The following TJP1 variants were observed in gnomAD, a reference collection of about 807,000 sequenced individuals.
TJP1 encodes tight junction protein 1.
In TJP1, 43 loss-of-function variants were observed where a neutral mutation model predicts 194.2. The ratio of observed to expected loss-of-function variants is 0.22; its 90% confidence interval spans 0.17 to 0.29. The LOEUF (loss-of-function observed/expected upper bound fraction) is 0.29, where lower values mean the gene tolerates loss of function less well. Among genes scored for constraint, TJP1 ranks in the 10% least tolerant of loss-of-function variants. The probability of loss-of-function intolerance (pLI) is 1.00; values close to 1 mark genes in which losing one functional copy is unlikely to be tolerated. For missense variants in TJP1, 1,971 were observed against 2,185.7 expected (o/e 0.90, Z 1.96); for synonymous variants, 801 against 779.0 (o/e 1.03, Z -0.47).
chr15:29,707,323 G>C (rs1221518049), intron 25 of TJP1, among the ~76,000 whole-genome samples: 1 of 152,170 alleles, frequency 6.6e-6, no homozygotes, highest in Non-Finnish European at 1.5e-5. Context: ...CAACGAAACA[G>C]AATTACATGA....
intron 1 of TJP1, among the ~76,000 whole-genome samples, chr15:29,956,707 C>T (rs1424028569): frequency 6.6e-6 from 1 of 152,082 alleles, no homozygotes; most frequent in East Asian, 1.9e-4. Context: ...CAGGGAGACC[C>T]TGCCTCTACA....
chr15:29,867,347 A>T (rs925336048), intron 2 of TJP1, among the ~76,000 whole-genome samples: 3 of 152,230 alleles, frequency 2.0e-5, no homozygotes, highest in Admixed American at 6.5e-5. Flanking sequence ...CCATCACAAA[A>T]GGCAACAAGG....
chr15:29,914,055 C>T (rs950312821), intron 2 of TJP1, among the ~76,000 whole-genome samples: 2 of 152,116 alleles, frequency 1.3e-5, no homozygotes, highest in Non-Finnish European at 1.5e-5. Context: ...GTATCTGCCT[C>T]TGTCACACAA....
chr15:29,764,144 T>C (rs1027577458), intron 5 of TJP1, among the ~76,000 whole-genome samples: 3 of 151,926 alleles, frequency 2.0e-5, no homozygotes, highest in Non-Finnish European at 4.4e-5. Context: ...AAAAAAAGGA[T>C]GTTAGCATGG....
At chr15:29,826,224 G>A (rs375075875), upstream of TJP1, among the ~76,000 whole-genome samples, 459 of 151,394 alleles carry the variant, frequency 3.0e-3, 2 homozygotes, top group Non-Finnish European at 5.0e-3. Context: ...GTTATTCCTC[G>A]AAAGAATTCC....
chr15:29,769,433 C>T (rs1294440745), intron 4 of TJP1, among the ~76,000 whole-genome samples: 1 of 152,144 alleles, frequency 6.6e-6, no homozygotes, highest in African/African-American at 2.4e-5. Context: ...AAAGTCACTC[C>T]TAGAAAATTA....
At chr15:29,705,102 T>C (rs2041810709) in intron 26 of TJP1, among the ~76,000 whole-genome samples, 2 of 152,182 alleles carry the variant, frequency 1.3e-5, no homozygotes, top group Non-Finnish European at 2.9e-5. Flanking sequence ...AGTGCTAGGT[T>C]CTGGGGTGAT....
intron 2 of TJP1, among the ~76,000 whole-genome samples, chr15:29,932,105 T>C (rs2054736553): frequency 6.6e-6 from 1 of 152,214 alleles, no homozygotes; most frequent in Non-Finnish European, 1.5e-5. Context: ...TGCTGTCTCC[T>C]GTCTCATCCT....
chr15:29,787,983 GTCTT>G (rs1395013128), intron 2 of TJP1, among the ~76,000 whole-genome samples: 5 of 152,124 alleles, frequency 3.3e-5, no homozygotes, highest in Non-Finnish European at 4.4e-5. Flanking sequence ...AACCTTTATT[GTCTT>G]TCTGAGTACA....
At chr15:29,891,602 TG>T (rs2053310316) in intron 2 of TJP1, among the ~76,000 whole-genome samples, 2 of 152,242 alleles carry the variant, frequency 1.3e-5, no homozygotes, top group Admixed American at 1.3e-4. Flanking sequence ...TGTGATTCCA[TG>T]TCACCTTTTG....
In TJP1 at chr15:29,717,240, T is replaced by C. The variant is rs141371526; in HGVS notation, c.3975-402A>G. On this transcript the variant is annotated intron_variant, in intron 22 of 27. Transcript: ENST00000614355. ...TTCAAAGGGATTTTTAAGAACTCAG[T>C]CCAGGATCTCAATGATTCTCATATG... Among the ~76,000 whole-genome samples the C allele has an allele frequency of 2.4e-3, 369 of 152,290 alleles. 2 individuals are homozygous for C. Among genetic ancestry groups the C allele is most frequent in the African/African-American group, 8.4e-3 (350 of 41,566 alleles).
intron 6 of TJP1, among the ~76,000 whole-genome samples, chr15:29,761,993 C>T (rs971883631): frequency 1.3e-5 from 2 of 152,158 alleles, no homozygotes; most frequent in African/African-American, 4.8e-5. Context: ...CTAACTCCTT[C>T]TTTGAGGCTG....
At chr15:29,861,457 G>A (rs1244344009) in intron 2 of TJP1, among the ~76,000 whole-genome samples, 2 of 152,126 alleles carry the variant, frequency 1.3e-5, no homozygotes, top group Non-Finnish European at 1.5e-5. Context: ...ATCAGACCTT[G>A]GTGATGACCT....
At chr15:29,885,372 T>C (rs1011869233) in intron 2 of TJP1, among the ~76,000 whole-genome samples, 4 of 152,142 alleles carry the variant, frequency 2.6e-5, no homozygotes, top group Non-Finnish European at 4.4e-5. Flanking sequence ...CACATGGAGA[T>C]AGTATCTGGG....
rs760581875 is a variant in TJP1, at chr15:29,726,956, T to C, written c.2136A>G (p.Ala712=). ...KHALLDVTPN[A]VDRLNYAQWY... is the part of the protein sequence containing the mutation. ...ACTGGGCATAGTTAAGACGATCAAC[T>C]GCATTTGGTGTTACATCTAATAAAG... Residue 712 remains alanine (A), a synonymous_variant, in exon 17 of 28, where the codon GCA becomes GCG. Coordinates refer to ENST00000614355, the MANE Select transcript of TJP1 (RefSeq NM_001330239.4). The C allele has an allele frequency of 1.9e-5, 30 of 1,614,194 alleles. No homozygotes were observed. The highest frequency in any genetic ancestry group is 2.5e-5 in the Non-Finnish European group (30 of 1,180,030).
intron 10 of TJP1, among the ~76,000 whole-genome samples, chr15:29,739,448 CTT>C (rs920439406): frequency 5.3e-5 from 8 of 152,004 alleles, no homozygotes; most frequent in African/African-American, 1.9e-4. Flanking sequence ...TGGAATTTTT[CTT>C]TTTTCTTTTT....
At chr15:29,903,507 T>C (rs1363984642) in intron 2 of TJP1, among the ~76,000 whole-genome samples, 7 of 151,520 alleles carry the variant, frequency 4.6e-5, no homozygotes, top group South Asian at 4.2e-4. Context: ...TGCAGTGGAG[T>C]GATCTCGGCT....
At chr15:29,886,948 T>C (rs1315667160) in intron 2 of TJP1, among the ~76,000 whole-genome samples, 8 of 151,998 alleles carry the variant, frequency 5.3e-5, no homozygotes, top group Non-Finnish European at 1.2e-4. Flanking sequence ...AAAGAAAATT[T>C]TGCAGAAGAG....
At chr15:29,885,050 G>C (rs1013038691) in intron 2 of TJP1, among the ~76,000 whole-genome samples, 2 of 152,172 alleles carry the variant, frequency 1.3e-5, no homozygotes, top group African/African-American at 4.8e-5. Flanking sequence ...AAAAATTAGA[G>C]GTGAAAGAAA....
Sources: allele counts gnomAD v4.1 joint callset (sites outside exome capture counted in the v4.1 genomes callset), GRCh38; gene constraint gnomAD v4.1.1; transcripts MANE v1.5; gene names NCBI Gene and HGNC (gene_info 2026-07-23, HGNC 2026-07-21).